Variants in LNPEP observed in about 807,000 individuals in gnomAD.
LNPEP encodes leucyl-cystinyl aminopeptidase.
A neutral mutation model predicts 120.6 loss-of-function variants in LNPEP; 64 were observed. The observed-to-expected ratio is 0.53, with a 90% CI of 0.43 to 0.65. LNPEP has a LOEUF of 0.65. LNPEP is among the 30% of genes least tolerant of loss of function. The probability of loss-of-function intolerance (pLI) is 0.00; values close to 1 mark genes in which losing one functional copy is unlikely to be tolerated. For synonymous variants in LNPEP, 435 were observed against 425.4 expected (o/e 1.02, Z -0.28); for missense variants, 1,057 against 1,200.0 (o/e 0.88, Z 1.76).
intron 8 of LNPEP, among the ~76,000 whole-genome samples, chr5:97,001,908 G>C (rs563163692): frequency 1.3e-5 from 2 of 152,302 alleles, no homozygotes; most frequent in South Asian, 4.1e-4. Flanking sequence ...GGGAGGCCAA[G>C]GTGGGTGGAT....
chr5:97,034,193 G>A lies in LNPEP; in HGVS notation c.*5660G>A, dbSNP rs1348997648. Reference sequence around the variant, plus strand: ...TTTTTATCCATCTGCCTATCTCCAGGAGGATGGGGTGTGCACTTTTAGAAA... The same window carrying A: ...TTTTTATCCATCTGCCTATCTCCAGAAGGATGGGGTGTGCACTTTTAGAAA... On this transcript the variant is annotated 3_prime_UTR_variant, in exon 18 of 18. Transcript: ENST00000231368. 6.6e-6 allele frequency: 1 copy of A among 152,102 alleles called. No individual in the cohort carries two copies. The highest frequency in any genetic ancestry group is 1.9e-4 in the East Asian group (1 of 5,166). 9.4% of individuals were successfully genotyped at this position (152,102 alleles called of 1,614,324 possible). A position where few individuals can be genotyped will look rare whatever the true frequency, so the allele number is the denominator to read the frequency against.
At chr5:97,004,018 G>C (rs73139226) in intron 9 of LNPEP, among the ~76,000 whole-genome samples, 1 of 152,050 alleles carries the variant, frequency 6.6e-6, no homozygotes, top group Non-Finnish European at 1.5e-5. Flanking sequence ...CAAGCTGACT[G>C]CATATTATCC....
At position 97,030,842 on chromosome 5, in the gene LNPEP, T is replaced by A. The variant is rs1791456059; in HGVS notation, c.*2309T>A. On this transcript the variant is annotated 3_prime_UTR_variant, in exon 18 of 18. Transcript: ENST00000231368. ...TTGCCCTTACCTTAATTATTTGTAG[T>A]TTTAGTAGGCCTTGCCTCAGTTTTT... 1 of 152,066 alleles carries A rather than the reference T, an allele frequency of 6.6e-6. No homozygotes were observed. The highest frequency in any genetic ancestry group is 1.5e-5 in the Non-Finnish European group (1 of 67,998). The allele number at this position is 152,066 out of a possible 1,614,324, so 9.4% of individuals were successfully genotyped here. A position where few individuals can be genotyped will look rare whatever the true frequency, so the allele number is the denominator to read the frequency against.
chr5:96,996,349 C>T (rs370641502), intron 6 of LNPEP, 41 bp from the exon 7 acceptor site: 1 of 1,097,708 alleles, frequency 9.1e-7, no homozygotes, highest in South Asian at 1.3e-5. Context: ...ATTCCTGAGG[C>T]TGTAAATATC....
At position 97,022,368 on chromosome 5, in the gene LNPEP, T is replaced by C. The variant is rs1355706864; in HGVS notation, c.2445T>C (p.Ser815=). The C allele has an allele frequency of 1.2e-6, 2 of 1,613,864 alleles. No homozygotes were observed. Among genetic ancestry groups the C allele is most frequent in the Non-Finnish European group, 1.7e-6 (2 of 1,179,844 alleles). ...QQTWTDEGTP[S]MRELRSALLE... ...CTTGGACTGATGAGGGCACTCCATC[T>C]ATGCGAGAGCTTCGGTCAGCCCTGC... The change falls in exon 14 of 18, where the codon TCT becomes TCC. Residue 815 remains serine, a synonymous_variant. Transcript: ENST00000231368.
rs1165240327 is a variant in LNPEP at position 97,037,323 on chromosome 5, T to G, written c.*8790T>G. On this transcript the variant is annotated 3_prime_UTR_variant, in exon 18 of 18. Transcript: ENST00000231368. The stretch of plus-strand genomic sequence containing the variant: ...ATCATAATCTGTCTTTTGTGAAACA[T>G]TTTGAAAATATGTATATATAATATT... 6.6e-6 allele frequency: 1 copy of G among 152,156 alleles called. No homozygotes were observed. Among genetic ancestry groups the G allele is most frequent in the Non-Finnish European group, 1.5e-5 (1 of 68,006 alleles). The allele number at this position is 152,156 out of a possible 1,614,324, so 9.4% of individuals were successfully genotyped here.
chr5:96,998,553 C>T (rs1041752084), intron 8 of LNPEP, among the ~76,000 whole-genome samples: 6 of 152,080 alleles, frequency 3.9e-5, no homozygotes, highest in African/African-American at 9.7e-5. Context: ...ATTGAAGATT[C>T]GATTTTAGAA....
chr5:97,011,192 C>T (rs1169756860), intron 11 of LNPEP: 1 of 985,174 alleles, frequency 1.0e-6, no homozygotes, highest in African/African-American at 1.7e-5. Flanking sequence ...ACTTGGGTCT[C>T]TGTAGCCCTT....
chr5:96,938,999 AT>A (rs1460016708), intron 1 of LNPEP, among the ~76,000 whole-genome samples: 1 of 145,070 alleles, frequency 6.9e-6, no homozygotes, highest in African/African-American at 2.5e-5. Flanking sequence ...AAAAAAAAAA[AT>A]TGAAGGCAAC....
intron 1 of LNPEP, among the ~76,000 whole-genome samples, chr5:96,975,796 C>G (rs76198170): frequency 0.012 from 1,860 of 152,184 alleles, 44 homozygotes; most frequent in East Asian, 0.071. Flanking sequence ...CTATGTATAT[C>G]CTGTCCCAGA....
At chr5:97,023,708 C>T (rs1335544129) in intron 14 of LNPEP, among the ~76,000 whole-genome samples, 5 of 152,092 alleles carry the variant, frequency 3.3e-5, no homozygotes, top group Admixed American at 2.6e-4. Context: ...CAAATATCTC[C>T]TAGAGACCCT....
At chr5:97,021,931 T>TG (rs1791209951) in intron 13 of LNPEP, among the ~76,000 whole-genome samples, 3 of 126,490 alleles carry the variant, frequency 2.4e-5, no homozygotes, top group African/African-American at 5.7e-5. Flanking sequence ...TTGTTTTTTT[T>TG]TTTTTTTTTT....
chr5:97,013,353 T>A (rs539698067), intron 11 of LNPEP, among the ~76,000 whole-genome samples: 1 of 152,196 alleles, frequency 6.6e-6, no homozygotes, highest in African/African-American at 2.4e-5. Flanking sequence ...TATGATATTG[T>A]ACTTGCCTGT....
At chr5:96,943,964 TAAAG>T (rs913811482) in intron 1 of LNPEP, among the ~76,000 whole-genome samples, 1 of 152,176 alleles carries the variant, frequency 6.6e-6, no homozygotes, top group African/African-American at 2.4e-5. Flanking sequence ...TGAAGGAAGT[TAAAG>T]AAGGCTTCTT....
intron 1 of LNPEP, among the ~76,000 whole-genome samples, chr5:96,946,777 A>G (rs1789194626): frequency 6.6e-6 from 1 of 152,238 alleles, no homozygotes; most frequent in South Asian, 2.1e-4. Flanking sequence ...AATGAGTCAC[A>G]TGGAAAAGTA....
rs1489586232 is a variant in LNPEP, at chr5:96,993,813, C to A, written c.1253-4C>A. ...GTTGATCACTTATTTCCTGTTATGT[C>A]CAGATTTGGTGGCTATTCCTGACTT... On this transcript the variant is annotated splice_region_variant and splice_polypyrimidine_tract_variant and intron_variant, in intron 5 of 17. Transcript: ENST00000231368. 1.2e-6 allele frequency: 2 copies of A among 1,613,200 alleles called. No individual in the cohort carries two copies. The highest frequency in any genetic ancestry group is 1.7e-6 in the Non-Finnish European group (2 of 1,179,486).
chr5:97,016,866 AG>A (rs756656523), intron 13 of LNPEP, among the ~76,000 whole-genome samples: 5 of 152,176 alleles, frequency 3.3e-5, no homozygotes, highest in Non-Finnish European at 7.4e-5. Flanking sequence ...GTGTTAGTGT[AG>A]TAAAGAGATT....
chr5:96,942,652 C>CAA (rs71617155), intron 1 of LNPEP, among the ~76,000 whole-genome samples: 2 of 94,514 alleles, frequency 2.1e-5, no homozygotes, highest in Admixed American at 1.2e-4. Context: ...GACTCCATCT[C>CAA]AAAAAAAAAA....
rs779609684 is a variant in LNPEP at position 97,036,521 on chromosome 5, A to T, written c.*7988A>T. ...ATATCACACTGTCTCCTCATCTACCATATGGTAAATGTTAAAACTCCACAT... is the reference window on the plus strand; with the variant it reads ...ATATCACACTGTCTCCTCATCTACCTTATGGTAAATGTTAAAACTCCACAT... On this transcript the variant is annotated 3_prime_UTR_variant, in exon 18 of 18. Transcript: ENST00000231368. The T allele has an allele frequency of 6.6e-6, 1 of 152,138 alleles. No homozygotes were observed. Among genetic ancestry groups the T allele is most frequent in the African/African-American group, 2.4e-5 (1 of 41,426 alleles). 9.4% of individuals were successfully genotyped at this position (152,138 alleles called of 1,614,324 possible).
Sources: allele counts gnomAD v4.1 joint callset (sites outside exome capture counted in the v4.1 genomes callset), GRCh38; gene constraint gnomAD v4.1.1; transcripts MANE v1.5; gene names NCBI Gene and HGNC (gene_info 2026-07-23, HGNC 2026-07-21).